The following PALLD variants were observed in gnomAD, a reference collection of about 807,000 sequenced individuals.
The protein encoded by PALLD is palladin.
PALLD carries 61 observed loss-of-function variants against 123.5 expected under a neutral mutation model. The observed-to-expected ratio is 0.49, with a 90% confidence interval of 0.40 to 0.61. The LOEUF is 0.61. Ranked by LOEUF, PALLD falls within the 20% of genes least tolerant of loss-of-function variation. The pLI, the probability that PALLD is intolerant of heterozygous loss-of-function variation, is 0.00. For missense variants in PALLD, 1,273 were observed against 1,377.0 expected, an observed-to-expected ratio of 0.92 and a Z score of 1.20; for synonymous variants, 465 against 496.4, an observed-to-expected ratio of 0.94 and a Z score of 0.84.
intron 10 of PALLD, among the ~76,000 whole-genome samples, chr4:168,733,970 C>CAA (rs1333046372): frequency 6.6e-6 from 1 of 152,050 alleles, no homozygotes; most frequent in Non-Finnish European, 1.5e-5. Context: ...CTCCTGACCT[C>CAA]GTGATCTGCC....
intron 10 of PALLD, among the ~76,000 whole-genome samples, chr4:168,748,083 A>G (rs1477431752): frequency 6.6e-6 from 1 of 152,212 alleles, no homozygotes; most frequent in Non-Finnish European, 1.5e-5. Context: ...GCATATTGAC[A>G]CAAAGGTTTC....
At chr4:168,729,714 G>A (rs145469670) in intron 10 of PALLD, among the ~76,000 whole-genome samples, 63 of 151,936 alleles carry the variant, frequency 4.1e-4, no homozygotes, top group African/African-American at 1.5e-3. Context: ...TTATTTTATC[G>A]TCTCATTTAC....
At chr4:168,711,492 A>G (rs1372184024) in intron 9 of PALLD, 89 bp from the exon 10 acceptor site, 1 of 943,500 alleles carries the variant, frequency 1.1e-6, no homozygotes. Context: ...CACACAACAC[A>G]GGGATTCTCA....
intron 10 of PALLD, chr4:168,832,034 G>C (rs1744289543): frequency 1.0e-6 from 1 of 985,408 alleles, no homozygotes; most frequent in Non-Finnish European, 1.2e-6. Context: ...GTGAAGGCTC[G>C]GAGCCTCCTG....
At chr4:168,922,096 TATATATAC>T (rs1351404088) in intron 18 of PALLD, among the ~76,000 whole-genome samples, 161 of 104,896 alleles carry the variant, frequency 1.5e-3, no homozygotes, top group South Asian at 3.6e-3. Flanking sequence ...TATATATATA[TATATATAC>T]ACACACACAC....
intron 2 of PALLD, among the ~76,000 whole-genome samples, chr4:168,629,483 T>C (rs1775610368): frequency 1.3e-5 from 2 of 152,128 alleles, no homozygotes; most frequent in South Asian, 4.2e-4. Context: ...GCATGTACTT[T>C]TATATAAATT....
chr4:168,679,311 T>G (rs1352902170), intron 3 of PALLD, among the ~76,000 whole-genome samples: 2 of 45,466 alleles, frequency 4.4e-5, no homozygotes, highest in Non-Finnish European at 7.7e-5. Flanking sequence ...GGTGTGTGTG[T>G]GGTGTGCGGT....
chr4:168,587,503 G>T (rs2149676456), intron 2 of PALLD, among the ~76,000 whole-genome samples: 1 of 152,274 alleles, frequency 6.6e-6, no homozygotes, highest in Admixed American at 6.5e-5. Context: ...CTCTGCCAGG[G>T]ACTCCAAAGC....
chr4:168,832,300 G>A (rs1744362711), intron 10 of PALLD: 3 of 649,060 alleles, frequency 4.6e-6, no homozygotes, highest in African/African-American at 2.0e-5. Context: ...GAGGACAAGA[G>A]ACTCGTCAGC....
chr4:168,665,480 A>G (rs527507512), intron 2 of PALLD, among the ~76,000 whole-genome samples: 1 of 152,258 alleles, frequency 6.6e-6, no homozygotes, highest in East Asian at 1.9e-4. Flanking sequence ...GGAGAATGGC[A>G]TGAACCCGGG....
chr4:168,629,436 G>A (rs1228742299), intron 2 of PALLD, among the ~76,000 whole-genome samples: 1 of 152,168 alleles, frequency 6.6e-6, no homozygotes, highest in Non-Finnish European at 1.5e-5. Context: ...GTATGGACTG[G>A]GCATATGGGG....
chr4:168,849,754 CAAAA>C (rs36098159), intron 10 of PALLD, among the ~76,000 whole-genome samples: 1 of 145,742 alleles, frequency 6.9e-6, no homozygotes, highest in Non-Finnish European at 1.5e-5. Context: ...ATTTTTAAAG[CAAAA>C]AAAAAAAAAC....
chr4:168,785,636 A>T (rs1026453100), intron 10 of PALLD, among the ~76,000 whole-genome samples: 1 of 151,594 alleles, frequency 6.6e-6, no homozygotes, highest in East Asian at 1.9e-4. Context: ...CTCATTTGCA[A>T]ACCCCACCTT....
At chr4:168,827,682 A>C (rs1484465052) in intron 10 of PALLD, among the ~76,000 whole-genome samples, 1 of 152,222 alleles carries the variant, frequency 6.6e-6, no homozygotes, top group African/African-American at 2.4e-5. Context: ...CAATAGAAGA[A>C]ACAGGCCATT....
chr4:168,888,081 AG>A (rs1457525127), intron 10 of PALLD, among the ~76,000 whole-genome samples: 6 of 152,190 alleles, frequency 3.9e-5, no homozygotes, highest in Non-Finnish European at 7.3e-5. Context: ...AAGGAGTAGG[AG>A]GGGAGAGAGG....
At chr4:168,678,727 A>G (rs1447961460) in intron 3 of PALLD, among the ~76,000 whole-genome samples, 2 of 151,944 alleles carry the variant, frequency 1.3e-5, no homozygotes, top group Non-Finnish European at 2.9e-5. Flanking sequence ...TCACCACCGT[A>G]TCATGTACTT....
At chr4:168,672,315 T>G (rs1780361815) in intron 3 of PALLD, among the ~76,000 whole-genome samples, 1 of 152,234 alleles carries the variant, frequency 6.6e-6, no homozygotes, top group Non-Finnish European at 1.5e-5. Flanking sequence ...ATAGTCATCC[T>G]GTAGTGGTAT....
intron 10 of PALLD, among the ~76,000 whole-genome samples, chr4:168,867,274 G>C (rs1033727572): frequency 6.6e-6 from 1 of 152,210 alleles, no homozygotes; most frequent in African/African-American, 2.4e-5. Flanking sequence ...CTCATCACTA[G>C]ATGTGGTGAC....
chr4:168,725,522 CT>C (rs1210834634), intron 10 of PALLD, among the ~76,000 whole-genome samples: 1,844 of 91,570 alleles, frequency 0.02, 14 homozygotes, highest in African/African-American at 0.055. Context: ...TCTTTAATTT[CT>C]TTTTTTTTTT....
Sources: gnomAD v4.1 joint callset for allele counts (sites outside exome capture counted in the v4.1 genomes callset) on GRCh38, gnomAD v4.1.1 for gene constraint, MANE v1.5 for transcripts, NCBI Gene and HGNC (gene_info 2026-07-23, HGNC 2026-07-21) for gene names.